The following FMR1NB variants were observed in gnomAD, a reference collection of about 807,000 sequenced individuals.
The protein encoded by FMR1NB is FMR1 neighbor protein.
In FMR1NB, 10 loss-of-function variants were observed where a neutral mutation model predicts 16.8. The ratio of observed to expected loss-of-function variants is 0.60; its 90% confidence interval spans 0.37 to 1.01. The LOEUF (loss-of-function observed/expected upper bound fraction) is 1.01. Among genes scored for constraint, FMR1NB ranks in the 50% least tolerant of loss-of-function variants. The probability of loss-of-function intolerance (pLI) is 0.01; values close to 1 mark genes in which losing one functional copy is unlikely to be tolerated. For synonymous variants in FMR1NB, 83 were observed against 79.1 expected (o/e 1.05, Z -0.26); for missense variants, 205 against 204.8 (o/e 1.00, Z 0.00).
intron 1 of FMR1NB, among the ~76,000 whole-genome samples, chrX:147,989,958 G>A (rs1340718388): frequency 9.1e-6 from 1 of 109,955 alleles, no homozygotes; most frequent in East Asian, 2.9e-4. Context: ...GGACCCACTG[G>A]CTTGGCTCCC....
At chrX:147,999,872 A>T (rs2044562159) in intron 1 of FMR1NB, among the ~76,000 whole-genome samples, 1 of 112,122 alleles carries the variant, frequency 8.9e-6, no homozygotes, top group African/African-American at 3.2e-5. Context: ...AATTGTCATG[A>T]TTGAATATGC....
chrX:148,022,627 C>T (rs5904840), intron 4 of FMR1NB, among the ~76,000 whole-genome samples: 16,124 of 110,827 alleles, frequency 0.15, 1,473 homozygotes, highest in African/African-American at 0.34. Context: ...AATCATTTCA[C>T]TCCTACTCTC....
intron 4 of FMR1NB, among the ~76,000 whole-genome samples, chrX:148,014,041 T>A (rs1299593185): frequency 5.4e-5 from 6 of 111,640 alleles, no homozygotes; most frequent in Non-Finnish European, 1.1e-4. Flanking sequence ...CAGCCTTGAG[T>A]GCCTTTTCCC....
At chrX:147,986,763 A>G (rs930213863) in intron 1 of FMR1NB, among the ~76,000 whole-genome samples, 2 of 111,713 alleles carry the variant, frequency 1.8e-5, no homozygotes, top group Admixed American at 1.9e-4. Flanking sequence ...TGATGCCTCC[A>G]GCTTTGTTCT....
At chrX:147,999,665 T>G (rs1557188514) in intron 1 of FMR1NB, among the ~76,000 whole-genome samples, 2 of 111,479 alleles carry the variant, frequency 1.8e-5, no homozygotes, top group Admixed American at 1.9e-4. Context: ...ATTACTTAAT[T>G]TGTTAGTGGT....
At chrX:147,998,977 C>G (rs986450740) in intron 1 of FMR1NB, among the ~76,000 whole-genome samples, 1 of 111,657 alleles carries the variant, frequency 9.0e-6, no homozygotes, top group Non-Finnish European at 1.9e-5. Flanking sequence ...TTGTAATGAC[C>G]GAAAGATCTA....
At chrX:148,021,162 G>T (rs2044675957) in intron 4 of FMR1NB, among the ~76,000 whole-genome samples, 1 of 111,549 alleles carries the variant, frequency 9.0e-6, no homozygotes, top group African/African-American at 3.3e-5. Flanking sequence ...TTTGCTTTCT[G>T]CTTTGACAGG....
chrX:147,985,345 G>A (rs1050796651), intron 1 of FMR1NB, among the ~76,000 whole-genome samples: 27 of 111,208 alleles, frequency 2.4e-4, no homozygotes, highest in African/African-American at 8.8e-4. Context: ...AAAAGTTATG[G>A]GATACATGTG....
At position 148,006,692 on chromosome X, in the gene FMR1NB, T is replaced by G. The variant is rs2044597887; in HGVS notation, c.398-10T>G. ...CTGAATTCTCTTTCTTAAATTTCTGTTTTTAAAAGCTTGCAATCTGAGGGA... is the reference window on the plus strand; with the variant it reads ...CTGAATTCTCTTTCTTAAATTTCTGGTTTTAAAAGCTTGCAATCTGAGGGA... On this transcript the variant is annotated splice_polypyrimidine_tract_variant and intron_variant, in intron 2 of 5. Transcript: ENST00000370467. 1 of 1,189,436 alleles carries G rather than the reference T, an allele frequency of 8.4e-7. No homozygotes were observed. The highest frequency in any genetic ancestry group is 1.8e-5 in the African/African-American group (1 of 55,966).
At chrX:147,986,159 T>C (rs1213169600) in intron 1 of FMR1NB, among the ~76,000 whole-genome samples, 7 of 112,320 alleles carry the variant, frequency 6.2e-5, no homozygotes, top group African/African-American at 2.3e-4. Context: ...CACTTTTTAA[T>C]GGGGTTGTTT....
intron 1 of FMR1NB, among the ~76,000 whole-genome samples, chrX:147,984,575 T>C (rs928050924): frequency 8.9e-5 from 10 of 112,290 alleles, no homozygotes; most frequent in Non-Finnish European, 1.9e-4. Flanking sequence ...CCCTGTAAAA[T>C]TGTGAAATTA....
intron 4 of FMR1NB, among the ~76,000 whole-genome samples, chrX:148,009,062 A>T (rs188549291): frequency 2.4e-4 from 27 of 110,702 alleles, no homozygotes; most frequent in African/African-American, 8.5e-4. Context: ...GCACGCCTGT[A>T]ATCCCAGCTA....
chrX:148,003,417 T>G (rs2044580920), intron 2 of FMR1NB, 97 bp downstream of exon 2: 2 of 975,580 alleles, frequency 2.1e-6, no homozygotes, highest in African/African-American at 3.8e-5. Context: ...GGCACTGGAG[T>G]GGGACAGAGC....
chrX:147,981,497 C>T lies in FMR1NB; in HGVS notation c.95C>T (p.Ala32Val), dbSNP rs368636249. The T allele has an allele frequency of 1.8e-5, 22 of 1,209,759 alleles. No individual in the cohort carries two copies. The African/African-American group carries it at 2.3e-4, about 13-fold the overall frequency. ...TTAGAGCTGGCAACTTATGAGTTGG[C>T]GGCAACTGAGTCGAATCCCGAGAGC... ...AHLELATYEL[A>V]ATESNPESSH... is the part of the protein sequence containing the mutation. The change falls in exon 1 of 6, where the codon GCG becomes GTG. Residue 32 changes from alanine (A) to valine (V), a missense_variant. Transcript: ENST00000370467.
intron 1 of FMR1NB, among the ~76,000 whole-genome samples, chrX:147,984,729 A>G (rs1456174770): frequency 8.9e-6 from 1 of 111,967 alleles, no homozygotes; most frequent in African/African-American, 3.2e-5. Context: ...TGCTCTTGCT[A>G]GAACTTCCAG....
chrX:147,998,764 A>G (rs7886799), intron 1 of FMR1NB, among the ~76,000 whole-genome samples: 14,586 of 111,885 alleles, frequency 0.13, 1,225 homozygotes, highest in African/African-American at 0.31. Flanking sequence ...TGTTCCACCT[A>G]AAATTCTTAT....
At chrX:148,019,871 C>G (rs2044670165) in intron 4 of FMR1NB, among the ~76,000 whole-genome samples, 1 of 111,695 alleles carries the variant, frequency 9.0e-6, no homozygotes, top group Non-Finnish European at 1.9e-5. Context: ...CAGCACAGCA[C>G]TAGGGCTTGT....
chrX:148,020,424 C>T (rs2044672731), intron 4 of FMR1NB, among the ~76,000 whole-genome samples: 1 of 112,056 alleles, frequency 8.9e-6, no homozygotes, highest in Non-Finnish European at 1.9e-5. Flanking sequence ...AGGTTCGAGA[C>T]AAAATTCCCT....
At position 148,006,783 on chromosome X, in the gene FMR1NB, A is replaced by G; in HGVS notation, c.479A>G (p.Lys160Arg). The G allele has an allele frequency of 8.3e-7, 1 of 1,210,986 alleles. No homozygotes were observed. The highest frequency in any genetic ancestry group is 1.1e-6 in the Non-Finnish European group (1 of 895,040). Residue 160 changes from lysine to arginine, a missense_variant, in exon 3 of 6, where the codon AAA (lysine) becomes AGA (arginine). Coordinates refer to ENST00000370467, the MANE Select transcript of FMR1NB (RefSeq NM_152578.3). ...AGTGAGAGTGAATGTTTGAGACACA[A>G]ATGCTGTTTTTCATCATCGGGGACC... ...DLSESECLRH[K>R]CCFSSSGTTS...
Sources: allele counts gnomAD v4.1 joint callset (sites outside exome capture counted in the v4.1 genomes callset), GRCh38; gene constraint gnomAD v4.1.1; transcripts MANE v1.5; gene names NCBI Gene and HGNC (gene_info 2026-07-23, HGNC 2026-07-21).